GNB5: variants seen among roughly 807,000 people sequenced by gnomAD.
GNB5 encodes the protein guanine nucleotide-binding protein subunit beta-5.
GNB5 carries 37 observed loss-of-function variants against 55.3 expected under a neutral mutation model. The observed-to-expected ratio is 0.67, with a 90% CI of 0.51 to 0.88. The LOEUF (loss-of-function observed/expected upper bound fraction) is 0.88. Ranked by LOEUF, GNB5 falls within the 40% of genes least tolerant of loss-of-function variation. The pLI, the probability that GNB5 is intolerant of heterozygous loss-of-function variation, is 0.00. For missense variants in GNB5, 476 were observed against 515.3 expected, an observed-to-expected ratio of 0.92 and a Z score of 0.74; for synonymous variants, 219 against 198.5, an observed-to-expected ratio of 1.10 and a Z score of -0.87.
chr15:52,155,281 T>C (rs2034183478), intron 3 of GNB5, among the ~76,000 whole-genome samples: 1 of 152,222 alleles, frequency 6.6e-6, no homozygotes, highest in South Asian at 2.1e-4. Flanking sequence ...CTGCCCCTCA[T>C]GTCTTCCCAG....
At chr15:52,164,795 A>T (rs1750825689) in intron 3 of GNB5, among the ~76,000 whole-genome samples, 1 of 152,142 alleles carries the variant, frequency 6.6e-6, no homozygotes, top group Admixed American at 6.5e-5. Context: ...AAAAGGCCAG[A>T]GTGCCTCTTC....
In GNB5 at chr15:52,119,830, C is replaced by T. The variant is rs922134495; in HGVS notation, c.*2927G>A. ...CAGTATCGGTGGTGCCACCTTTCAG[C>T]CAGCTGGCCTGGCAACTATGAGAGC... On this transcript the variant is annotated 3_prime_UTR_variant, in exon 13 of 13. Coordinates refer to ENST00000261837, the MANE Select transcript of GNB5 (RefSeq NM_016194.4). 6.6e-6 allele frequency: 1 copy of T among 152,174 alleles called. No homozygotes were observed. Among genetic ancestry groups the T allele is most frequent in the African/African-American group, 2.4e-5 (1 of 41,376 alleles). 9.4% of individuals were successfully genotyped at this position (152,174 alleles called of 1,614,324 possible). A position where few individuals can be genotyped will look rare whatever the true frequency, so the allele number is the denominator to read the frequency against.
At chr15:52,124,325 T>C in intron 12 of GNB5, 148 bp downstream of exon 12, 2 of 619,492 alleles carry the variant, frequency 3.2e-6, no homozygotes, top group Non-Finnish European at 5.7e-6. Context: ...ATTCCCTCTG[T>C]GGCTGTGGGC....
intron 6 of GNB5, among the ~76,000 whole-genome samples, chr15:52,145,718 GGA>G (rs374658518): frequency 2.0e-3 from 308 of 152,240 alleles, no homozygotes; most frequent in African/African-American, 7.3e-3. Context: ...GCCACTGGAA[GGA>G]GAGTGAGACT....
intron 3 of GNB5, among the ~76,000 whole-genome samples, chr15:52,172,922 G>C (rs1241741945): frequency 6.6e-6 from 1 of 152,020 alleles, no homozygotes; most frequent in Non-Finnish European, 1.5e-5. Flanking sequence ...ATACTGTTTG[G>C]CACTTTGCTT....
chr15:52,126,796 T>C (rs1163624829), intron 10 of GNB5, among the ~76,000 whole-genome samples: 1 of 152,144 alleles, frequency 6.6e-6, no homozygotes, highest in Non-Finnish European at 1.5e-5. Context: ...AGAGATGTTT[T>C]ATTGTATATT....
rs1282778545 is a variant in GNB5, at chr15:52,116,700, C to G, written c.*6057G>C. 6.6e-6 allele frequency: 1 copy of G among 152,030 alleles called. No individual in the cohort carries two copies. Among genetic ancestry groups the G allele is most frequent in the Non-Finnish European group, 1.5e-5 (1 of 68,008 alleles). The allele number at this position is 152,030 out of a possible 1,614,324, so 9.4% of individuals were successfully genotyped here. On this transcript the variant is annotated 3_prime_UTR_variant, in exon 13 of 13. Coordinates refer to ENST00000261837, the MANE Select transcript of GNB5 (RefSeq NM_016194.4). ...ATTCTCATGCTTGTATGCCTAATAC[C>G]AAAAATGATCACAAAAGATTCTGCA...
chr15:52,126,254 T>C (rs1177479734), intron 10 of GNB5: 4 of 408,270 alleles, frequency 9.8e-6, no homozygotes, highest in South Asian at 7.8e-5. Flanking sequence ...TATTAATCTC[T>C]ATGAGTCAGT....
chr15:52,184,775 C>T (rs1357429799), intron 1 of GNB5, 81 bp from the exon 2 acceptor site: 2 of 1,177,566 alleles, frequency 1.7e-6, no homozygotes, highest in Non-Finnish European at 2.4e-6. Context: ...TTGCTTGTAC[C>T]GTGGTAGCTA....
At chr15:52,170,997 G>A (rs1228404227) in intron 3 of GNB5, among the ~76,000 whole-genome samples, 2 of 151,084 alleles carry the variant, frequency 1.3e-5, no homozygotes, top group African/African-American at 4.9e-5. Flanking sequence ...GGGAGGCTGA[G>A]GCAAGAGAAG....
chr15:52,152,526 T>C (rs1429009911), intron 4 of GNB5, among the ~76,000 whole-genome samples: 1 of 151,346 alleles, frequency 6.6e-6, no homozygotes, highest in African/African-American at 2.4e-5. Context: ...GGTTTCACCA[T>C]GTTGGCCAGG....
chr15:52,140,467 T>A (rs1188871232), intron 7 of GNB5, among the ~76,000 whole-genome samples: 1 of 152,126 alleles, frequency 6.6e-6, no homozygotes, highest in African/African-American at 2.4e-5. Flanking sequence ...TGCTCGGAGC[T>A]CCCCAGTTCC....
chr15:52,154,149 A>G, intron 3 of GNB5, 73 bp from the exon 4 acceptor site: 1 of 1,457,870 alleles, frequency 6.9e-7, no homozygotes, highest in Non-Finnish European at 9.3e-7. Flanking sequence ...CACAGCACAG[A>G]CATATGTTCC....
At chr15:52,125,153 C>T (rs1201050877) in intron 11 of GNB5, 1 of 152,614 alleles carries the variant, frequency 6.6e-6, no homozygotes, top group Non-Finnish European at 1.5e-5. Context: ...TCCAGGTAGC[C>T]AGCCTGTTAC....
In GNB5 at chr15:52,117,102, A is replaced by ATATATATATATATATTTTTT; in HGVS notation, c.*5654_*5655insAAAAAATATATATATATATA. On this transcript the variant is annotated 3_prime_UTR_variant, in exon 13 of 13. Coordinates refer to ENST00000261837, the MANE Select transcript of GNB5 (RefSeq NM_016194.4). Reference sequence around the variant, plus strand: ...CCACGCCCAGCTAATATATATATATATTTTTTTTTAGTACAGACAGGGTTT... The same window carrying ATATATATATATATATTTTTT: ...CCACGCCCAGCTAATATATATATATATATATATATATATATTTTTTTTTTTTTTTAGTACAGACAGGGTTT... 1 of 87,098 alleles carries ATATATATATATATATTTTTT rather than the reference A, an allele frequency of 1.1e-5. No homozygotes were observed. The highest frequency in any genetic ancestry group is 6.1e-5 in the African/African-American group (1 of 16,444). The allele number at this position is 87,098 out of a possible 1,614,324, so 5.4% of individuals were successfully genotyped here.
chr15:52,162,538 C>A (rs1185910476), intron 3 of GNB5, among the ~76,000 whole-genome samples: 4 of 151,978 alleles, frequency 2.6e-5, no homozygotes, highest in African/African-American at 9.7e-5. Flanking sequence ...AGAAGACAAG[C>A]GAAATGTCTT....
chr15:52,123,464 T>C (rs1236466410), intron 12 of GNB5: 1 of 152,098 alleles, frequency 6.6e-6, no homozygotes, highest in Non-Finnish European at 1.5e-5. Context: ...TCTTCTGAGA[T>C]GCCACTACAC....
At chr15:52,128,679 A>G (rs1364989662) in intron 9 of GNB5, 1 of 468,660 alleles carries the variant, frequency 2.1e-6, no homozygotes, top group Admixed American at 2.3e-5. Context: ...CCTCTTGCCC[A>G]GCCTCAGTTT....
rs556719519 is a variant in GNB5 at position 52,118,442 on chromosome 15, C to G, written c.*4315G>C. On this transcript the variant is annotated 3_prime_UTR_variant, in exon 13 of 13. Coordinates refer to ENST00000261837, the MANE Select transcript of GNB5 (RefSeq NM_016194.4). ...GACTACTGGCATGGGAGAAAGATCA[C>G]CTTGATGGCTAATGGAACGTGTGCA... 5 of 152,086 alleles carry G rather than the reference C, an allele frequency of 3.3e-5. No individual in the cohort carries two copies. In the East Asian group the frequency reaches 9.6e-4, roughly 29 times the overall value. 9.4% of individuals were successfully genotyped at this position (152,086 alleles called of 1,614,324 possible).
Sources: gnomAD v4.1 joint callset for allele counts (sites outside exome capture counted in the v4.1 genomes callset) on GRCh38, gnomAD v4.1.1 for gene constraint, MANE v1.5 for transcripts, NCBI Gene and HGNC (gene_info 2026-07-23, HGNC 2026-07-21) for gene names.